Variants in FOXP1 observed in about 807,000 individuals in gnomAD.
FOXP1 encodes the protein forkhead box P1, also known as forkhead box protein P1.
Under a neutral mutation model 98.2 loss-of-function variants are expected in FOXP1, and 15 were observed. The observed-to-expected ratio is 0.15, with a 90% confidence interval of 0.10 to 0.24. The LOEUF (loss-of-function observed/expected upper bound fraction) is 0.24. FOXP1 is among the 10% of genes least tolerant of loss of function. The probability of loss-of-function intolerance (pLI) is 1.00; values close to 1 mark genes in which losing one functional copy is unlikely to be tolerated. For missense variants in FOXP1, 633 were observed against 848.5 expected, an observed-to-expected ratio of 0.75 and a Z score of 3.15; for synonymous variants, 371 against 314.5, an observed-to-expected ratio of 1.18 and a Z score of -1.90.
intron 3 of FOXP1, among the ~76,000 whole-genome samples, chr3:71,472,702 T>G (rs952218821): frequency 6.6e-6 from 1 of 152,222 alleles, no homozygotes; most frequent in African/African-American, 2.4e-5. Flanking sequence ...TTTGTTAATT[T>G]TAACTATTCT....
intron 7 of FOXP1, among the ~76,000 whole-genome samples, chr3:71,085,474 C>T (rs925150182): frequency 6.6e-6 from 1 of 151,810 alleles, no homozygotes; most frequent in African/African-American, 2.4e-5. Flanking sequence ...TTTACTTCAC[C>T]CCATTAATAT....
chr3:71,482,093 A>G (rs1312107975), intron 3 of FOXP1, among the ~76,000 whole-genome samples: 2 of 152,208 alleles, frequency 1.3e-5, no homozygotes, highest in Non-Finnish European at 2.9e-5. Context: ...AGACGCAATC[A>G]GCTGACACGC....
rs1226125284 is a variant in FOXP1, at chr3:71,396,937, CAT to C, written c.-167-37695_-167-37694del. On this transcript the variant is annotated intron_variant, in intron 3 of 20. Coordinates refer to ENST00000649528, the MANE Select transcript of FOXP1 (RefSeq NM_001349338.3). ...ATGTGTGTATATATATATATATACACATATATATATGTGTATATATATATATG... is the reference window on the plus strand; with the variant it reads ...ATGTGTGTATATATATATATATACACATATATATGTGTATATATATATATG... 1.2e-3 allele frequency among the ~76,000 whole-genome samples: 100 copies of C among 80,484 alleles called. 13 individuals are homozygous for C. Among genetic ancestry groups the C allele is most frequent in the South Asian group, 0.01 (26 of 2,572 alleles). The allele number at this position is 80,484 out of a possible 152,430, so 52.8% of individuals were successfully genotyped here. A position where few individuals can be genotyped will look rare whatever the true frequency, so the allele number is the denominator to read the frequency against.
chr3:70,998,643 A>G (rs886775299), intron 13 of FOXP1, among the ~76,000 whole-genome samples: 2 of 152,216 alleles, frequency 1.3e-5, no homozygotes, highest in Non-Finnish European at 2.9e-5. Flanking sequence ...TGTCTATCAA[A>G]GCTGAAAAAT....
intron 3 of FOXP1, among the ~76,000 whole-genome samples, chr3:71,390,965 G>A (rs1409486341): frequency 6.6e-6 from 1 of 152,110 alleles, no homozygotes; most frequent in Non-Finnish European, 1.5e-5. Flanking sequence ...CCTTTTCAAA[G>A]TAAAAAATCA....
intron 17 of FOXP1, among the ~76,000 whole-genome samples, chr3:70,974,221 G>A (rs1397022515): frequency 3.3e-5 from 5 of 151,878 alleles, no homozygotes; most frequent in African/African-American, 7.2e-5. Context: ...TCTCTAAACC[G>A]AAAACATTTG....
rs1254783783 is a variant in FOXP1 at position 70,994,223 on chromosome 3, G to C, written c.1063-6146C>G. On this transcript the variant is annotated intron_variant, in intron 13 of 20. Transcript: ENST00000649528. ...TGAAATAATTACAAGCAGAAGATGG[G>C]GCATTCAATAGCTCTCTCCCACAGC... Among the ~76,000 whole-genome samples the C allele has an allele frequency of 7.1e-4, 107 of 150,754 alleles. 1 individual carries two copies. Among genetic ancestry groups the C allele is most frequent in the Non-Finnish European group, 1.3e-4 (9 of 67,754 alleles).
At chr3:71,026,743 G>A (rs2046169214) in intron 11 of FOXP1, among the ~76,000 whole-genome samples, 1 of 152,138 alleles carries the variant, frequency 6.6e-6, no homozygotes, top group Admixed American at 6.5e-5. Flanking sequence ...CAGCCACACT[G>A]GGCAAAATGT....
chr3:70,978,639 G>A (rs541687147), intron 14 of FOXP1, among the ~76,000 whole-genome samples: 11 of 152,282 alleles, frequency 7.2e-5, no homozygotes, highest in Non-Finnish European at 1.0e-4. Flanking sequence ...ATGCAGCTTC[G>A]TGGATGACGA....
At chr3:70,970,461 C>G in intron 19 of FOXP1, 1 of 454,396 alleles carries the variant, frequency 2.2e-6, no homozygotes, top group South Asian at 2.2e-5. Context: ...AAGTGAAATT[C>G]TGAAATAAGA....
chr3:71,446,161 G>A (rs2086414600), intron 3 of FOXP1, among the ~76,000 whole-genome samples: 1 of 152,154 alleles, frequency 6.6e-6, no homozygotes, highest in African/African-American at 2.4e-5. Context: ...AGAAGCCTGG[G>A]CCTCATGGAG....
intron 5 of FOXP1, among the ~76,000 whole-genome samples, chr3:71,232,499 C>T (rs2066372036): frequency 1.3e-5 from 2 of 152,012 alleles, no homozygotes; most frequent in South Asian, 2.1e-4. Context: ...ACAAAAGCTA[C>T]AGAAATAAAT....
intron 4 of FOXP1, among the ~76,000 whole-genome samples, chr3:71,312,330 A>T (rs371590213): frequency 6.6e-6 from 1 of 152,218 alleles, no homozygotes; most frequent in African/African-American, 2.4e-5. Flanking sequence ...TTTCTATCAT[A>T]TAAGGCAGCA....
intron 3 of FOXP1, among the ~76,000 whole-genome samples, chr3:71,458,669 C>A (rs1461663732): frequency 2.0e-5 from 3 of 152,156 alleles, no homozygotes; most frequent in African/African-American, 4.8e-5. Flanking sequence ...AATACTTTCC[C>A]CAGCATTTAT....
chr3:71,278,069 C>T (rs1305140701), intron 5 of FOXP1, among the ~76,000 whole-genome samples: 2 of 152,108 alleles, frequency 1.3e-5, no homozygotes, highest in Non-Finnish European at 2.9e-5. Flanking sequence ...AAGGATGTGA[C>T]CTGGGCATGC....
intron 3 of FOXP1, among the ~76,000 whole-genome samples, chr3:71,452,073 G>C (rs1383340066): frequency 2.0e-5 from 3 of 152,060 alleles, no homozygotes; most frequent in African/African-American, 7.2e-5. Context: ...GCGCCAGGAG[G>C]GTAAAGACGT....
At chr3:71,162,244 T>C (rs1480444597) in intron 6 of FOXP1, among the ~76,000 whole-genome samples, 1 of 152,168 alleles carries the variant, frequency 6.6e-6, no homozygotes, top group Non-Finnish European at 1.5e-5. Context: ...AAGCCATTAT[T>C]TGGAGAGCTG....
intron 6 of FOXP1, among the ~76,000 whole-genome samples, chr3:71,138,595 G>A (rs959679857): frequency 6.6e-6 from 1 of 152,154 alleles, no homozygotes; most frequent in Non-Finnish European, 1.5e-5. Flanking sequence ...TAGGGGCTGT[G>A]GGAAATAGGA....
chr3:70,993,997 A>G (rs910956875), intron 13 of FOXP1, among the ~76,000 whole-genome samples: 25 of 118,242 alleles, frequency 2.1e-4, no homozygotes, highest in Non-Finnish European at 3.6e-4. Context: ...TCCGTCTCAA[A>G]AGAAGAAAAA....
Sources: allele counts gnomAD v4.1 joint callset (sites outside exome capture counted in the v4.1 genomes callset), GRCh38; gene constraint gnomAD v4.1.1; transcripts MANE v1.5; gene names NCBI Gene and HGNC (gene_info 2026-07-23, HGNC 2026-07-21).